Variants in HHLA2 observed in about 807,000 individuals in gnomAD.
HHLA2 encodes HERV-H LTR-associating protein 2.
A neutral mutation model predicts 45.9 loss-of-function variants in HHLA2; 48 were observed. The ratio of observed to expected loss-of-function variants is 1.05; its 90% CI spans 0.83 to 1.33. HHLA2 has a LOEUF of 1.33. Ranked by LOEUF, HHLA2 falls within the 40% of genes most tolerant of loss-of-function variation. HHLA2 has a pLI of 0.00. For missense variants in HHLA2, 462 were observed against 494.3 expected, an observed-to-expected ratio of 0.93 and a Z score of 0.62; for synonymous variants, 161 against 173.9, an observed-to-expected ratio of 0.93 and a Z score of 0.59.
At chr3:108,327,671 A>G (rs2081310021) in intron 2 of HHLA2, among the ~76,000 whole-genome samples, 1 of 152,148 alleles carries the variant, frequency 6.6e-6, no homozygotes, top group African/African-American at 2.4e-5. Context: ...CTCTCTGCCA[A>G]AATTCTCTAT....
intron 3 of HHLA2, among the ~76,000 whole-genome samples, chr3:108,329,692 C>T (rs62266208): frequency 0.042 from 6,405 of 152,210 alleles, 191 homozygotes; most frequent in Non-Finnish European, 0.054. Flanking sequence ...CAACCACTCT[C>T]GATGTCTGCC....
chr3:108,347,347 A>T (rs1318180425), intron 3 of HHLA2, among the ~76,000 whole-genome samples: 1 of 152,212 alleles, frequency 6.6e-6, no homozygotes, highest in Non-Finnish European at 1.5e-5. Flanking sequence ...TGAATTAAAT[A>T]GTCCTCAGAG....
At chr3:108,375,686 C>T in intron 8 of HHLA2, 64 bp from the exon 8 acceptor site, 1 of 1,568,664 alleles carries the variant, frequency 6.4e-7, no homozygotes, top group Non-Finnish European at 8.7e-7. Context: ...CCAAGGTGAC[C>T]TTACAGGGAA....
At chr3:108,361,028 ACATAGAC>A (rs1178743490) in intron 7 of HHLA2, among the ~76,000 whole-genome samples, 1 of 152,180 alleles carries the variant, frequency 6.6e-6, no homozygotes, top group East Asian at 1.9e-4. Context: ...TTTTAGCAGA[ACATAGAC>A]CATAAGGTTA....
chr3:108,299,330 T>A (rs200351476), intron 1 of HHLA2, among the ~76,000 whole-genome samples: 8,210 of 148,550 alleles, frequency 0.055, 321 homozygotes, highest in East Asian at 0.22. Flanking sequence ...AGAAAAAATA[T>A]ATATATATAA....
intron 3 of HHLA2, among the ~76,000 whole-genome samples, chr3:108,346,496 T>C (rs1196483099): frequency 6.6e-6 from 1 of 152,178 alleles, no homozygotes; most frequent in African/African-American, 2.4e-5. Context: ...TGTAGCAACC[T>C]AGAAGCTGCT....
intron 2 of HHLA2, chr3:108,325,819 C>T: frequency 6.1e-6 from 2 of 330,034 alleles, no homozygotes; most frequent in Non-Finnish European, 1.2e-5. Context: ...AGTTGTCATT[C>T]CTACCAAAAC....
At chr3:108,376,391 C>T (rs1284877623) in intron 9 of HHLA2, 102 bp from the exon 9 acceptor site, 9 of 844,090 alleles carry the variant, frequency 1.1e-5, no homozygotes, top group African/African-American at 3.4e-5. Flanking sequence ...GGGAGAGTAA[C>T]TCAGATGATT....
chr3:108,348,551 G>C (rs2081711217), intron 3 of HHLA2, among the ~76,000 whole-genome samples: 1 of 152,090 alleles, frequency 6.6e-6, no homozygotes, highest in Non-Finnish European at 1.5e-5. Context: ...TTCTAAGATG[G>C]GTGATTGGAG....
chr3:108,337,565 C>A (rs920605028), intron 3 of HHLA2, among the ~76,000 whole-genome samples: 9 of 152,280 alleles, frequency 5.9e-5, no homozygotes, highest in South Asian at 2.1e-4. Context: ...GTTAACTGAG[C>A]AGCTTATATC....
At chr3:108,365,436 C>T (rs1013657880) in intron 8 of HHLA2, among the ~76,000 whole-genome samples, 1 of 152,118 alleles carries the variant, frequency 6.6e-6, no homozygotes, top group Non-Finnish European at 1.5e-5. Context: ...AGCATGATGC[C>T]TCCAGCTATG....
intron 1 of HHLA2, among the ~76,000 whole-genome samples, chr3:108,299,492 C>G (rs188058514): frequency 2.5e-4 from 38 of 151,886 alleles, no homozygotes; most frequent in African/African-American, 7.2e-4. Flanking sequence ...GAGGAGTAGT[C>G]AGATTATGAA....
intron 4 of HHLA2, among the ~76,000 whole-genome samples, chr3:108,352,952 T>G (rs992833655): frequency 2.0e-5 from 3 of 152,236 alleles, no homozygotes; most frequent in Non-Finnish European, 4.4e-5. Flanking sequence ...CATTGTCTTC[T>G]ATGTGCTCCA....
At chr3:108,355,459 A>C in intron 6 of HHLA2, 78 bp downstream of exon 5, 1 of 1,475,566 alleles carries the variant, frequency 6.8e-7, no homozygotes, top group African/African-American at 1.4e-5. Context: ...GCAAAAAAAG[A>C]AAGGAAGATG....
chr3:108,308,845 T>A (rs867951070), intron 1 of HHLA2, among the ~76,000 whole-genome samples: 2 of 152,206 alleles, frequency 1.3e-5, no homozygotes, highest in East Asian at 1.9e-4. Context: ...CCCATTTTTT[T>A]AAATTGGATT....
chr3:108,343,837 T>C (rs1411253713), intron 3 of HHLA2, among the ~76,000 whole-genome samples: 13 of 152,064 alleles, frequency 8.5e-5, no homozygotes, highest in Admixed American at 7.9e-4. Context: ...ATATCAGGAG[T>C]AGGTGATAAA....
chr3:108,297,649 A>G (rs149061681), intron 1 of HHLA2, among the ~76,000 whole-genome samples: 1 of 152,326 alleles, frequency 6.6e-6, no homozygotes. Flanking sequence ...TTTCCTATAT[A>G]ATCATATTGA....
intron 3 of HHLA2, among the ~76,000 whole-genome samples, chr3:108,350,225 T>C (rs1443316900): frequency 2.0e-5 from 3 of 152,310 alleles, no homozygotes; most frequent in Non-Finnish European, 4.4e-5. Context: ...GGAGCAGTTT[T>C]GACTTTACCA....
intron 1 of HHLA2, among the ~76,000 whole-genome samples, chr3:108,303,305 T>C (rs2080878788): frequency 6.6e-6 from 1 of 152,236 alleles, no homozygotes; most frequent in Non-Finnish European, 1.5e-5. Context: ...ATTTATGTTC[T>C]ATAGCTCAAC....
Sources: allele counts gnomAD v4.1 joint callset (sites outside exome capture counted in the v4.1 genomes callset), GRCh38; gene constraint gnomAD v4.1.1; transcripts MANE v1.5; gene names NCBI Gene and HGNC (gene_info 2026-07-23, HGNC 2026-07-21).